Variants in RABGAP1L observed in about 807,000 individuals in gnomAD.
The protein encoded by RABGAP1L is rab GTPase-activating protein 1-like.
Under a neutral mutation model 137.7 loss-of-function variants are expected in RABGAP1L, and 63 were observed. That is an observed-to-expected ratio of 0.46 (90% CI 0.37 to 0.56). The LOEUF (loss-of-function observed/expected upper bound fraction) is 0.56. Ranked by LOEUF, RABGAP1L falls within the 20% of genes least tolerant of loss-of-function variation. The pLI is 0.00. For missense variants in RABGAP1L, 1,095 were observed against 1,244.0 expected, an observed-to-expected ratio of 0.88 and a Z score of 1.80; for synonymous variants, 431 against 433.7, an observed-to-expected ratio of 0.99 and a Z score of 0.08.
chr1:174,857,731 A>G (rs1215291161), intron 19 of RABGAP1L, among the ~76,000 whole-genome samples: 1 of 152,150 alleles, frequency 6.6e-6, no homozygotes, highest in Non-Finnish European at 1.5e-5. Flanking sequence ...ACAATGAGAC[A>G]CCCACAGGTG....
intron 13 of RABGAP1L, among the ~76,000 whole-genome samples, chr1:174,601,358 A>G (rs1670397884): frequency 6.6e-6 from 1 of 152,134 alleles, no homozygotes; most frequent in African/African-American, 2.4e-5. Flanking sequence ...TACTTATGCA[A>G]ATTTCTGTAG....
At chr1:174,271,108 C>T (rs1674522652) in intron 7 of RABGAP1L, among the ~76,000 whole-genome samples, 1 of 152,010 alleles carries the variant, frequency 6.6e-6, no homozygotes, top group Non-Finnish European at 1.5e-5. Flanking sequence ...ATTATGAATA[C>T]TAGAGTATAA....
At chr1:174,364,739 G>T (rs1216124342) in intron 11 of RABGAP1L, among the ~76,000 whole-genome samples, 1 of 152,028 alleles carries the variant, frequency 6.6e-6, no homozygotes, top group Non-Finnish European at 1.5e-5. Context: ...GGATTGTGCT[G>T]GGTCACCCCT....
chr1:174,231,088 A>G, intron 3 of RABGAP1L, 57 bp from the exon 4 acceptor site: 2 of 1,320,142 alleles, frequency 1.5e-6, no homozygotes, highest in Non-Finnish European at 2.1e-6. Flanking sequence ...TGGCAAGATT[A>G]TAATGATGGT....
At chr1:174,394,252 A>C (rs1370779547) in intron 13 of RABGAP1L, 107 bp downstream of exon 13, 2 of 1,335,082 alleles carry the variant, frequency 1.5e-6, no homozygotes, top group Admixed American at 4.4e-5. Flanking sequence ...CTTCATGAAT[A>C]TATTGAGGTC....
intron 18 of RABGAP1L, among the ~76,000 whole-genome samples, chr1:174,755,556 C>T (rs1241537089): frequency 2.0e-5 from 3 of 152,146 alleles, no homozygotes; most frequent in Admixed American, 6.6e-5. Flanking sequence ...TCGTGTCCTA[C>T]ATGTGTATGC....
intron 13 of RABGAP1L, among the ~76,000 whole-genome samples, chr1:174,471,783 A>G (rs951538342): frequency 6.6e-6 from 1 of 152,204 alleles, no homozygotes; most frequent in African/African-American, 2.4e-5. Flanking sequence ...GGAGACTGTT[A>G]TGGACTGAAT....
intron 19 of RABGAP1L, among the ~76,000 whole-genome samples, chr1:174,816,134 A>G (rs1186868097): frequency 6.7e-6 from 1 of 149,356 alleles, no homozygotes; most frequent in Non-Finnish European, 1.5e-5. Flanking sequence ...TTTCTTAGTA[A>G]CATAATACAT....
At chr1:174,596,842 T>C (rs905658333) in intron 13 of RABGAP1L, among the ~76,000 whole-genome samples, 5 of 152,180 alleles carry the variant, frequency 3.3e-5, no homozygotes, top group African/African-American at 1.2e-4. Flanking sequence ...TAGATGTGGT[T>C]CTTTTCTATA....
intron 17 of RABGAP1L, among the ~76,000 whole-genome samples, chr1:174,717,544 G>A (rs1477900018): frequency 6.6e-6 from 1 of 152,144 alleles, no homozygotes. Context: ...TAATGTATAA[G>A]CTTTCAGCCT....
intron 14 of RABGAP1L, among the ~76,000 whole-genome samples, chr1:174,679,262 G>A (rs986203343): frequency 3.3e-5 from 5 of 152,154 alleles, no homozygotes; most frequent in Non-Finnish European, 7.3e-5. Flanking sequence ...GTTTAAAGGT[G>A]GATGCAGTCA....
At chr1:174,173,895 G>C (rs1414049598) in intron 1 of RABGAP1L, among the ~76,000 whole-genome samples, 1 of 152,080 alleles carries the variant, frequency 6.6e-6, no homozygotes, top group Non-Finnish European at 1.5e-5. Context: ...TTAGATATAG[G>C]TATGAAACTT....
chr1:174,839,052 TG>T (rs1693102387), intron 19 of RABGAP1L, among the ~76,000 whole-genome samples: 3 of 144,996 alleles, frequency 2.1e-5, no homozygotes, highest in African/African-American at 8.0e-5. Context: ...TGTGTGTGTG[TG>T]TGTTGGTAGG....
At chr1:174,918,393 T>C (rs1661223399) in intron 19 of RABGAP1L, among the ~76,000 whole-genome samples, 2 of 152,232 alleles carry the variant, frequency 1.3e-5, no homozygotes, top group African/African-American at 4.8e-5. Context: ...TAGCTCCAGT[T>C]ATCTTTAATC....
chr1:174,882,365 T>G (rs1211370508), intron 19 of RABGAP1L, among the ~76,000 whole-genome samples: 1 of 152,206 alleles, frequency 6.6e-6, no homozygotes, highest in Non-Finnish European at 1.5e-5. Flanking sequence ...CTGCATTTTT[T>G]TCTTATTCAT....
Position 174,489,997 on chromosome 1 carries a change from T to A in RABGAP1L, c.1710+95852T>A, listed in dbSNP as rs937094051. ...TTTGAATTCCTTCTCTGAGTTATCT[T>A]GAATTTCTTTGTGTTTTCTCAAAAC... On this transcript the variant is annotated intron_variant, in intron 13 of 25. Coordinates refer to ENST00000681986, the MANE Select transcript of RABGAP1L (RefSeq NM_001366446.1). 7.2e-5 allele frequency among the ~76,000 whole-genome samples: 11 copies of A among 152,150 alleles called. 1 individual carries two copies. Among genetic ancestry groups the A allele is most frequent in the Non-Finnish European group, 4.4e-5 (3 of 68,032 alleles).
chr1:174,201,821 T>G (rs1390961321), intron 1 of RABGAP1L, among the ~76,000 whole-genome samples: 2 of 104,668 alleles, frequency 1.9e-5, no homozygotes, highest in Non-Finnish European at 3.6e-5. Context: ...CCCACAACAG[T>G]CCCCGGTGTG....
chr1:174,161,902 G>T (rs1055643844), intron 1 of RABGAP1L, among the ~76,000 whole-genome samples: 2 of 151,992 alleles, frequency 1.3e-5, no homozygotes, highest in African/African-American at 4.8e-5. Flanking sequence ...CTAATTTTTT[G>T]TTTTATTTTT....
At chr1:174,355,951 A>T (rs1683596130) in intron 11 of RABGAP1L, among the ~76,000 whole-genome samples, 1 of 152,204 alleles carries the variant, frequency 6.6e-6, no homozygotes, top group Non-Finnish European at 1.5e-5. Flanking sequence ...GATTTGTGTT[A>T]GCTTTAATGG....
Sources: allele counts gnomAD v4.1 joint callset (sites outside exome capture counted in the v4.1 genomes callset), GRCh38; gene constraint gnomAD v4.1.1; transcripts MANE v1.5; gene names NCBI Gene and HGNC (gene_info 2026-07-23, HGNC 2026-07-21).